Variants in DLGAP1 observed in about 807,000 individuals in gnomAD.
DLGAP1 encodes the protein disks large-associated protein 1.
A neutral mutation model predicts 90.8 loss-of-function variants in DLGAP1; 11 were observed. The ratio of observed to expected loss-of-function variants is 0.12; its 90% CI spans 0.08 to 0.20. The LOEUF is 0.20. Ranked by LOEUF, DLGAP1 falls within the 10% of genes least tolerant of loss-of-function variation. DLGAP1 has a pLI of 1.00. For missense variants in DLGAP1, 1,050 were observed against 1,333.8 expected, an observed-to-expected ratio of 0.79 and a Z score of 3.31; for synonymous variants, 558 against 540.7, an observed-to-expected ratio of 1.03 and a Z score of -0.44.
intron 1 of DLGAP1, among the ~76,000 whole-genome samples, chr18:4,445,945 A>C (rs1004052195): frequency 2.2e-4 from 33 of 152,064 alleles, no homozygotes; most frequent in Non-Finnish European, 4.3e-4. Context: ...AGTCAACTAG[A>C]TAGAAGGACA....
rs2059240449 is a variant in DLGAP1, at chr18:3,650,022, C to A, written c.1592-67774G>T. Reference sequence around the variant, plus strand: ...AGCTATTTGGGAAACTCTCAATGCTCCCAGAGACATTACTGTTTTTTGTTT... The same window carrying A: ...AGCTATTTGGGAAACTCTCAATGCTACCAGAGACATTACTGTTTTTTGTTT... On this transcript the variant is annotated intron_variant, in intron 7 of 12. Coordinates refer to ENST00000315677, the MANE Select transcript of DLGAP1 (RefSeq NM_004746.4). Among the ~76,000 whole-genome samples the A allele has an allele frequency of 3.9e-5, 6 of 152,072 alleles. No individual in the cohort carries two copies. The South Asian group carries it at 1.2e-3, about 32-fold the overall frequency.
chr18:4,134,412 C>T (rs974120669), intron 2 of DLGAP1, among the ~76,000 whole-genome samples: 3 of 152,002 alleles, frequency 2.0e-5, no homozygotes, highest in African/African-American at 7.2e-5. Context: ...TGCACCTTCC[C>T]CTATATTCAA....
At chr18:4,388,136 T>C (rs1391435602) in intron 1 of DLGAP1, among the ~76,000 whole-genome samples, 1 of 151,936 alleles carries the variant, frequency 6.6e-6, no homozygotes, top group Non-Finnish European at 1.5e-5. Context: ...ATTTAAATCT[T>C]TGCAATATTT....
chr18:3,600,884 A>G (rs1340562152), intron 7 of DLGAP1, among the ~76,000 whole-genome samples: 1 of 21,482 alleles, frequency 4.7e-5, no homozygotes, highest in South Asian at 9.7e-4. Context: ...ATATATAGAT[A>G]GATATATAGA....
In DLGAP1 at chr18:4,003,309, C is replaced by G. The variant is rs115794421; in HGVS notation, c.-73+1807G>C. Among the ~76,000 whole-genome samples, 701 of 152,218 alleles carry G rather than the reference C, an allele frequency of 4.6e-3. 5 individuals carry two copies. The highest frequency in any genetic ancestry group is 0.016 in the African/African-American group (665 of 41,536). On this transcript the variant is annotated intron_variant, in intron 3 of 12. Transcript: ENST00000315677. ...TGGGTCCAGATCACCTGGACATCCTCAGGCACAGGACTGGGAAGTGACTGA... is the reference window on the plus strand; with the variant it reads ...TGGGTCCAGATCACCTGGACATCCTGAGGCACAGGACTGGGAAGTGACTGA...
chr18:4,249,675 T>C (rs761173519), intron 1 of DLGAP1, among the ~76,000 whole-genome samples: 3 of 152,116 alleles, frequency 2.0e-5, no homozygotes, highest in Non-Finnish European at 4.4e-5. Flanking sequence ...GTAGCCTCTA[T>C]CTCCACGGTT....
intron 11 of DLGAP1, among the ~76,000 whole-genome samples, chr18:3,506,755 C>T (rs1481392394): frequency 2.0e-5 from 3 of 152,000 alleles, no homozygotes; most frequent in African/African-American, 7.2e-5. Context: ...GTTTGAGCAA[C>T]ACGGCTTTAT....
chr18:3,672,129 A>G (rs560918240), intron 7 of DLGAP1, among the ~76,000 whole-genome samples: 5 of 151,832 alleles, frequency 3.3e-5, no homozygotes, highest in African/African-American at 1.2e-4. Context: ...AGTTATGAAG[A>G]TGGGATTTCT....
chr18:3,895,320 C>CACAT (rs1555703473), intron 3 of DLGAP1, among the ~76,000 whole-genome samples: 4 of 141,758 alleles, frequency 2.8e-5, no homozygotes, highest in Non-Finnish European at 4.6e-5. Flanking sequence ...CACACACACA[C>CACAT]ATCATCATCA....
chr18:3,583,187 T>TACC (rs1568241051), intron 7 of DLGAP1, among the ~76,000 whole-genome samples: 19 of 124,142 alleles, frequency 1.5e-4, no homozygotes, highest in South Asian at 1.4e-3. Flanking sequence ...CCTACCTACC[T>TACC]TCCTTCCTTC....
chr18:3,875,823 C>T lies in DLGAP1; in HGVS notation c.957+3289G>A, dbSNP rs1373508786. On this transcript the variant is annotated intron_variant, in intron 4 of 12. Coordinates refer to ENST00000315677, the MANE Select transcript of DLGAP1 (RefSeq NM_004746.4). ...GAGATCATACATCTTTTGGACCAAG[C>T]GCCTCATTTTCTAGCAGAGGAAGGA... is the stretch of plus-strand genomic sequence containing the variant. 3.3e-5 allele frequency among the ~76,000 whole-genome samples: 5 copies of T among 151,992 alleles called. No individual in the cohort carries two copies. In the South Asian group the frequency reaches 8.3e-4, roughly 25 times the overall value.
intron 2 of DLGAP1, among the ~76,000 whole-genome samples, chr18:4,124,635 C>T (rs1427221484): frequency 1.3e-5 from 2 of 152,160 alleles, no homozygotes; most frequent in Non-Finnish European, 2.9e-5. Flanking sequence ...TCATTAGTCA[C>T]CATTAAAAGT....
chr18:3,845,394 G>T, intron 4 of DLGAP1: 12 of 1,415,058 alleles, frequency 8.5e-6, no homozygotes, highest in South Asian at 1.7e-5. Flanking sequence ...ACTTGGGGGT[G>T]GGGGGAGAGT....
chr18:3,507,225 C>T (rs1344115724), intron 11 of DLGAP1, among the ~76,000 whole-genome samples: 1 of 152,050 alleles, frequency 6.6e-6, no homozygotes, highest in Non-Finnish European at 1.5e-5. Flanking sequence ...CGATGGCGTG[C>T]CTGTAATACC....
chr18:4,058,680 G>C (rs771316039), intron 2 of DLGAP1, among the ~76,000 whole-genome samples: 8 of 152,138 alleles, frequency 5.3e-5, no homozygotes, highest in Admixed American at 1.3e-4. Flanking sequence ...ACATATAAAG[G>C]CTTTCCATGA....
intron 5 of DLGAP1, among the ~76,000 whole-genome samples, chr18:3,805,961 A>G (rs1191259283): frequency 1.1e-4 from 16 of 152,230 alleles, no homozygotes; most frequent in Non-Finnish European, 2.9e-5. Context: ...ATAGATAGGA[A>G]TGTTGATGAT....
At chr18:4,235,588 C>T (rs2078391877) in intron 1 of DLGAP1, among the ~76,000 whole-genome samples, 1 of 152,034 alleles carries the variant, frequency 6.6e-6, no homozygotes. Flanking sequence ...TTTGCCAGCA[C>T]TGCTTAAATG....
intron 2 of DLGAP1, among the ~76,000 whole-genome samples, chr18:4,107,529 C>CT (rs1164267196): frequency 6.6e-6 from 1 of 152,130 alleles, no homozygotes; most frequent in African/African-American, 2.4e-5. Flanking sequence ...TTCAGGGTTT[C>CT]TTTCTGGGGG....
rs536306970 is a variant in DLGAP1 at position 4,005,976 on chromosome 18, C to T, written c.-158-775G>A. 3.3e-5 allele frequency among the ~76,000 whole-genome samples: 5 copies of T among 152,258 alleles called. No individual in the cohort carries two copies. In the East Asian group the frequency reaches 7.7e-4, roughly 24 times the overall value. On this transcript the variant is annotated intron_variant, in intron 2 of 12. Transcript: ENST00000315677. Reference sequence around the variant, plus strand: ...GGCTTCCAGACAAGAGACAGTTGTTCACTCCTCTGTGTGTCTAGTTCTTTG... The same window carrying T: ...GGCTTCCAGACAAGAGACAGTTGTTTACTCCTCTGTGTGTCTAGTTCTTTG...
Sources: allele counts gnomAD v4.1 joint callset (sites outside exome capture counted in the v4.1 genomes callset), GRCh38; gene constraint gnomAD v4.1.1; transcripts MANE v1.5; gene names NCBI Gene and HGNC (gene_info 2026-07-23, HGNC 2026-07-21).